Variants in SBF2 observed in about 807,000 individuals in gnomAD.
The protein encoded by SBF2 is myotubularin-related protein 13.
A neutral mutation model predicts 225.2 loss-of-function variants in SBF2; 112 were observed. The ratio of observed to expected loss-of-function variants is 0.50; its 90% CI spans 0.43 to 0.58. The LOEUF (loss-of-function observed/expected upper bound fraction) is 0.58, where lower values mean the gene tolerates loss of function less well. Ranked by LOEUF, SBF2 falls within the 20% of genes least tolerant of loss-of-function variation. The pLI is 0.00. For synonymous variants in SBF2, 763 were observed against 773.3 expected (o/e 0.99, Z 0.22); for missense variants, 1,996 against 2,206.2 (o/e 0.90, Z 1.91).
At chr11:10,226,761 G>A (rs1452134559) in intron 1 of SBF2, among the ~76,000 whole-genome samples, 1 of 152,108 alleles carries the variant, frequency 6.6e-6, no homozygotes. Context: ...CCAAGTCTTT[G>A]CTATTGTGAA....
intron 14 of SBF2, among the ~76,000 whole-genome samples, chr11:9,966,470 T>G (rs1156558059): frequency 6.6e-6 from 1 of 152,252 alleles, no homozygotes; most frequent in Admixed American, 6.5e-5. Context: ...ATTCACATTT[T>G]ATACATGCAT....
chr11:10,201,459 A>G (rs1957566967), intron 1 of SBF2, among the ~76,000 whole-genome samples: 1 of 152,270 alleles, frequency 6.6e-6, no homozygotes, highest in African/African-American at 2.4e-5. Context: ...CTGAAAAGAA[A>G]GCATGCAGGA....
At chr11:10,231,696 T>C (rs1485399289) in intron 1 of SBF2, among the ~76,000 whole-genome samples, 6 of 152,178 alleles carry the variant, frequency 3.9e-5, no homozygotes, top group Admixed American at 3.9e-4. Flanking sequence ...TATCCAGCTG[T>C]GTGAGGTGTC....
intron 16 of SBF2, among the ~76,000 whole-genome samples, chr11:9,904,781 T>C (rs1371403044): frequency 6.6e-6 from 1 of 152,146 alleles, no homozygotes; most frequent in Non-Finnish European, 1.5e-5. Flanking sequence ...TCACAGAACT[T>C]TGGGAGGCCG....
chr11:10,058,077 ACT>A (rs1950313526), intron 2 of SBF2, among the ~76,000 whole-genome samples: 1 of 152,150 alleles, frequency 6.6e-6, no homozygotes, highest in Non-Finnish European at 1.5e-5. Context: ...CAGTGCGAGA[ACT>A]CTGTTAACTC....
intron 16 of SBF2, among the ~76,000 whole-genome samples, chr11:9,897,166 C>T: frequency 6.6e-6 from 1 of 152,114 alleles, no homozygotes; most frequent in Middle Eastern, 3.2e-3. Flanking sequence ...TACAAGCACA[C>T]ACACATAGAT....
At position 10,133,558 on chromosome 11, in the gene SBF2, C is replaced by T. The variant is rs183011475; in HGVS notation, c.141+60344G>A. On this transcript the variant is annotated intron_variant, in intron 2 of 39. Coordinates refer to ENST00000256190, the MANE Select transcript of SBF2 (RefSeq NM_030962.4). ...CAGCCACTGGCCTGGGTGCTAAGTCCCCCATTGCCCAGGGCCAGCAGGGCT... is the reference window on the plus strand; with the variant it reads ...CAGCCACTGGCCTGGGTGCTAAGTCTCCCATTGCCCAGGGCCAGCAGGGCT... 1.1e-3 allele frequency among the ~76,000 whole-genome samples: 146 copies of T among 132,112 alleles called. 30 individuals carry two copies. The highest frequency in any genetic ancestry group is 6.3e-3 in the East Asian group (28 of 4,462). The allele number at this position is 132,112 out of a possible 152,430, so 86.7% of individuals were successfully genotyped here.
chr11:10,236,872 T>C (rs768143092), intron 1 of SBF2, among the ~76,000 whole-genome samples: 3 of 151,964 alleles, frequency 2.0e-5, no homozygotes, highest in African/African-American at 4.8e-5. Context: ...TGGAAACAAA[T>C]AGAAAAGCTG....
At chr11:10,078,418 G>A (rs932392680) in intron 2 of SBF2, among the ~76,000 whole-genome samples, 1 of 152,158 alleles carries the variant, frequency 6.6e-6, no homozygotes, top group Non-Finnish European at 1.5e-5. Flanking sequence ...AGAAAATGTG[G>A]CACATATACA....
chr11:10,246,895 T>C (rs1464625491), intron 1 of SBF2, among the ~76,000 whole-genome samples: 1 of 152,166 alleles, frequency 6.6e-6, no homozygotes, highest in East Asian at 1.9e-4. Flanking sequence ...GGCACCATAG[T>C]GAGACCTTGT....
At chr11:10,103,076 A>G (rs897176617) in intron 2 of SBF2, among the ~76,000 whole-genome samples, 2 of 152,164 alleles carry the variant, frequency 1.3e-5, no homozygotes, top group Non-Finnish European at 2.9e-5. Context: ...GGGTGTCTTC[A>G]TTGGGTCTAA....
In SBF2 at chr11:9,924,580, C is replaced by T. The variant is rs912868792; in HGVS notation, c.1861-28569G>A. On this transcript the variant is annotated intron_variant, in intron 16 of 39. Coordinates refer to ENST00000256190, the MANE Select transcript of SBF2 (RefSeq NM_030962.4). ...CCGAGTAGCTGGGATTACAGGCATG[C>T]ACCACCCCGCCCCGCTAATTTTTGT... 4.6e-5 allele frequency among the ~76,000 whole-genome samples: 7 copies of T among 152,038 alleles called. No individual in the cohort carries two copies. In the East Asian group the frequency reaches 1.4e-3, roughly 30 times the overall value.
At chr11:9,899,986 G>A (rs1354655160) in intron 16 of SBF2, among the ~76,000 whole-genome samples, 2 of 150,668 alleles carry the variant, frequency 1.3e-5, no homozygotes, top group Non-Finnish European at 2.9e-5. Flanking sequence ...GGGAATTGGG[G>A]AAATGCTGGG....
At chr11:9,852,805 A>G in intron 20 of SBF2, 56 bp from the exon 21 acceptor site, 1 of 1,278,410 alleles carries the variant, frequency 7.8e-7, no homozygotes, top group Non-Finnish European at 1.1e-6. Flanking sequence ...GGATAAAAAC[A>G]AATTCTGGAT....
chr11:9,841,953 C>T (rs189060556), intron 25 of SBF2, among the ~76,000 whole-genome samples: 2 of 152,214 alleles, frequency 1.3e-5, no homozygotes, highest in Admixed American at 6.5e-5. Flanking sequence ...GCAAAACCAC[C>T]GGTGACTGAT....
At chr11:10,097,971 T>C (rs1952100922) in intron 2 of SBF2, among the ~76,000 whole-genome samples, 1 of 151,644 alleles carries the variant, frequency 6.6e-6, no homozygotes, top group African/African-American at 2.4e-5. Context: ...GGGTGGGGAC[T>C]CAAAACAACT....
intron 26 of SBF2, among the ~76,000 whole-genome samples, chr11:9,837,736 C>G (rs1408909733): frequency 1.5e-5 from 2 of 135,794 alleles, no homozygotes; most frequent in East Asian, 3.9e-4. Context: ...CCCTTAAAAG[C>G]AGCAGAAAGC....
In SBF2 at chr11:10,217,028, T is replaced by C. The variant is rs532825512; in HGVS notation, c.56-23041A>G. 2.0e-5 allele frequency among the ~76,000 whole-genome samples: 3 copies of C among 152,306 alleles called. No homozygotes were observed. The South Asian group carries it at 6.2e-4, about 32-fold the overall frequency. On this transcript the variant is annotated intron_variant, in intron 1 of 39. Transcript: ENST00000256190. ...AAAATAGAAAGTATAAGTATACCACTTTCCTTGCCTTTCATAGTAGGTAAT... is the reference window on the plus strand; with the variant it reads ...AAAATAGAAAGTATAAGTATACCACCTTCCTTGCCTTTCATAGTAGGTAAT...
At chr11:10,192,902 A>C (rs1957230028) in intron 2 of SBF2, among the ~76,000 whole-genome samples, 1 of 152,204 alleles carries the variant, frequency 6.6e-6, no homozygotes, top group African/African-American at 2.4e-5. Context: ...CTGGAGAACC[A>C]AACTTCGTAG....
Sources: gnomAD v4.1 joint callset for allele counts (sites outside exome capture counted in the v4.1 genomes callset) on GRCh38, gnomAD v4.1.1 for gene constraint, MANE v1.5 for transcripts, NCBI Gene and HGNC (gene_info 2026-07-23, HGNC 2026-07-21) for gene names.